The following TMPRSS15 variants were observed in gnomAD, a reference collection of about 807,000 sequenced individuals.
TMPRSS15 encodes the protein transmembrane serine protease 15, also known as enteropeptidase.
In TMPRSS15, 128 loss-of-function variants were observed where a neutral mutation model predicts 125.3. The observed-to-expected ratio is 1.02, with a 90% CI of 0.89 to 1.18. The LOEUF is 1.18. Among genes scored for constraint, TMPRSS15 ranks in the 50% most tolerant of loss-of-function variants. The pLI, the probability that TMPRSS15 is intolerant of heterozygous loss-of-function variation, is 0.00. For missense variants in TMPRSS15, 1,283 were observed against 1,212.7 expected, an observed-to-expected ratio of 1.06 and a Z score of -0.86; for synonymous variants, 446 against 423.2, an observed-to-expected ratio of 1.05 and a Z score of -0.66.
At chr21:18,316,579 T>C (rs976908359) in intron 16 of TMPRSS15, among the ~76,000 whole-genome samples, 1 of 152,146 alleles carries the variant, frequency 6.6e-6, no homozygotes, top group African/African-American at 2.4e-5. Flanking sequence ...ACAGCAGTGT[T>C]GGAGGCATGG....
At chr21:18,308,290 C>T (rs889627745) in intron 18 of TMPRSS15, among the ~76,000 whole-genome samples, 1 of 152,028 alleles carries the variant, frequency 6.6e-6, no homozygotes, top group African/African-American at 2.4e-5. Flanking sequence ...TCTCCTACAA[C>T]TTGCCCTCTT....
At chr21:18,326,387 T>C (rs777740453) in intron 16 of TMPRSS15, 45 bp downstream of exon 16, 3 of 1,613,720 alleles carry the variant, frequency 1.9e-6, no homozygotes, top group Admixed American at 1.7e-5. Context: ...CTTTGCTGTT[T>C]TGCTCCAAAA....
intron 1 of TMPRSS15, among the ~76,000 whole-genome samples, chr21:18,413,481 G>T (rs1601454470): frequency 6.6e-6 from 1 of 150,600 alleles, no homozygotes; most frequent in South Asian, 2.1e-4. Context: ...GCAGTGGCTT[G>T]GTCTCGGGTC....
intron 1 of TMPRSS15, among the ~76,000 whole-genome samples, chr21:18,438,985 G>C (rs1330306629): frequency 6.6e-6 from 1 of 152,038 alleles, no homozygotes; most frequent in East Asian, 1.9e-4. Context: ...TAATTAATCA[G>C]GGCTCTGAAT....
chr21:18,450,389 C>T lies in TMPRSS15; in HGVS notation c.10+35410G>A, dbSNP rs556452655. 5.1e-4 allele frequency among the ~76,000 whole-genome samples: 77 copies of T among 152,040 alleles called. No individual in the cohort carries two copies. In the South Asian group the frequency reaches 7.1e-3, roughly 14 times the overall value. ...CTCCCTGTGATTCAGTTTCACATGGCGATTTCCTATGAGCCCTGAAAACGT... is the reference window on the plus strand; with the variant it reads ...CTCCCTGTGATTCAGTTTCACATGGTGATTTCCTATGAGCCCTGAAAACGT... On this transcript the variant is annotated intron_variant, in intron 1 of 7. Coordinates refer to the TMPRSS15 transcript ENST00000422787.
intron 16 of TMPRSS15, among the ~76,000 whole-genome samples, chr21:18,323,640 A>G (rs938780282): frequency 6.6e-6 from 1 of 152,132 alleles, no homozygotes; most frequent in African/African-American, 2.4e-5. Context: ...GTTAGAGCAC[A>G]GTATTTTTTT....
At chr21:18,420,415 T>C (rs571261850) in intron 1 of TMPRSS15, among the ~76,000 whole-genome samples, 7 of 143,890 alleles carry the variant, frequency 4.9e-5, no homozygotes, top group African/African-American at 1.6e-4. Context: ...TCTATTTCTA[T>C]GTGGCTAGGG....
intron 1 of TMPRSS15, among the ~76,000 whole-genome samples, chr21:18,461,271 A>G (rs1378444692): frequency 6.6e-6 from 1 of 152,114 alleles, no homozygotes; most frequent in Admixed American, 6.6e-5. Context: ...TTCTACATGT[A>G]GTTACATTTC....
chr21:18,393,938 T>C (rs989735378), intron 3 of TMPRSS15, among the ~76,000 whole-genome samples: 3 of 152,202 alleles, frequency 2.0e-5, no homozygotes, highest in Non-Finnish European at 4.4e-5. Context: ...TCTCTTAATA[T>C]CTGTATTCTC....
At chr21:18,314,440 G>GTAATCCCA (rs1420407896) in intron 17 of TMPRSS15, among the ~76,000 whole-genome samples, 1 of 151,686 alleles carries the variant, frequency 6.6e-6, no homozygotes, top group African/African-American at 2.4e-5. Context: ...CACCACGCCT[G>GTAATCCCA]GCAAATTTCG....
At chr21:18,389,234 C>A (rs1434007257) in intron 3 of TMPRSS15, among the ~76,000 whole-genome samples, 1 of 148,860 alleles carries the variant, frequency 6.7e-6, no homozygotes, top group Non-Finnish European at 1.5e-5. Context: ...GGGAGGGAGG[C>A]AGGGAGGGAA....
intron 13 of TMPRSS15, among the ~76,000 whole-genome samples, chr21:18,339,204 T>C (rs981153175): frequency 5.8e-5 from 8 of 137,422 alleles, no homozygotes; most frequent in Non-Finnish European, 8.5e-5. Flanking sequence ...TTGAGTAACA[T>C]ATATATCTCA....
At chr21:18,273,144 C>G (rs921408136) in intron 24 of TMPRSS15, among the ~76,000 whole-genome samples, 3 of 152,136 alleles carry the variant, frequency 2.0e-5, no homozygotes, top group South Asian at 2.1e-4. Flanking sequence ...GTGTCAGTCA[C>G]TAAATTTTAG....
At chr21:18,287,631 CAT>C (rs2074781259) in intron 21 of TMPRSS15, among the ~76,000 whole-genome samples, 1 of 152,018 alleles carries the variant, frequency 6.6e-6, no homozygotes, top group Non-Finnish European at 1.5e-5. Context: ...GCCAAAGAGA[CAT>C]ATGTTATTAA....
intron 1 of TMPRSS15, among the ~76,000 whole-genome samples, chr21:18,468,923 G>A (rs908855543): frequency 1.2e-4 from 18 of 152,256 alleles, no homozygotes; most frequent in Non-Finnish European, 2.4e-4. Context: ...AACAAAATGT[G>A]GAGTACGCAG....
chr21:18,288,121 G>GTA (rs1601277347), intron 21 of TMPRSS15, among the ~76,000 whole-genome samples: 2 of 152,064 alleles, frequency 1.3e-5, no homozygotes, highest in Admixed American at 1.3e-4. Context: ...AAGAAATGTG[G>GTA]TATATATATG....
intron 1 of TMPRSS15, among the ~76,000 whole-genome samples, chr21:18,426,020 T>C (rs926007084): frequency 2.0e-5 from 3 of 152,186 alleles, no homozygotes; most frequent in Non-Finnish European, 2.9e-5. Flanking sequence ...ATTTATTTGC[T>C]TCCTAAATAT....
intron 1 of TMPRSS15, among the ~76,000 whole-genome samples, chr21:18,409,733 T>C (rs1336562738): frequency 6.6e-6 from 1 of 152,132 alleles, no homozygotes; most frequent in Non-Finnish European, 1.5e-5. Context: ...TTAAAAGTAA[T>C]AAATAGTACT....
rs61244277 is a variant in TMPRSS15 at position 18,482,594 on chromosome 21, TTTTA to T, written c.10+3201_10+3204del. Among the ~76,000 whole-genome samples, 292 of 151,750 alleles carry T rather than the reference TTTTA, an allele frequency of 1.9e-3. 2 individuals are homozygous for T. The highest frequency in any genetic ancestry group is 6.1e-3 in the African/African-American group (252 of 41,502). ...ACCAATAAAATTAGTTTTCTCCTAA[TTTTA>T]TTTATTTAATTTTATATTCCTTCAA... is the stretch of plus-strand genomic sequence containing the variant. On this transcript the variant is annotated intron_variant, in intron 1 of 7. Coordinates refer to the TMPRSS15 transcript ENST00000422787.
Sources: gnomAD v4.1 joint callset for allele counts (sites outside exome capture counted in the v4.1 genomes callset) on GRCh38, gnomAD v4.1.1 for gene constraint, MANE v1.5 for transcripts, NCBI Gene and HGNC (gene_info 2026-07-23, HGNC 2026-07-21) for gene names.